Variants in PHIP observed in about 807,000 individuals in gnomAD.
PHIP encodes PH-interacting protein.
In PHIP, 54 loss-of-function variants were observed where a neutral mutation model predicts 236.8. That is an observed-to-expected ratio of 0.23 (90% CI 0.18 to 0.29). The LOEUF (loss-of-function observed/expected upper bound fraction) is 0.29. Ranked by LOEUF, PHIP falls within the 10% of genes least tolerant of loss-of-function variation. The probability of loss-of-function intolerance (pLI) is 1.00; values close to 1 mark genes in which losing one functional copy is unlikely to be tolerated. For synonymous variants in PHIP, 756 were observed against 718.9 expected, an observed-to-expected ratio of 1.05 and a Z score of -0.83; for missense variants, 1,370 against 2,190.8, an observed-to-expected ratio of 0.63 and a Z score of 7.48.
At chr6:79,070,496 C>CTAAA (rs1465239166) in intron 4 of PHIP, among the ~76,000 whole-genome samples, 1 of 152,218 alleles carries the variant, frequency 6.6e-6, no homozygotes, top group Non-Finnish European at 1.5e-5. Flanking sequence ...CACCCAAAAA[C>CTAAA]TAAACCAGAG....
intron 7 of PHIP, among the ~76,000 whole-genome samples, chr6:79,034,763 AT>A (rs1771846988): frequency 6.6e-6 from 1 of 152,224 alleles, no homozygotes; most frequent in South Asian, 2.1e-4. Flanking sequence ...AGAGAGGACA[AT>A]TCTGTTCAGT....
chr6:79,076,548 G>A (rs1270437424), intron 4 of PHIP, among the ~76,000 whole-genome samples: 1 of 152,040 alleles, frequency 6.6e-6, no homozygotes, highest in Admixed American at 6.5e-5. Flanking sequence ...CTTCTGAAAA[G>A]CAATTTTTAA....
rs1773439272 is a variant in PHIP, at chr6:78,940,548, G to GTTTGTTTTTTTTTT, written c.*144_*145insAAAAAAAAAACAAA. On this transcript the variant is annotated 3_prime_UTR_variant, in exon 40 of 40. Coordinates refer to ENST00000275034, the MANE Select transcript of PHIP (RefSeq NM_017934.7). ...AAGAAGTGAAGTGTCTCGTAAGTTT[G>GTTTGTTTTTTTTTT]TTTTTTTTTTTTTTTTTTTTTTTGC... 1 of 82,672 alleles carries GTTTGTTTTTTTTTT rather than the reference G, an allele frequency of 1.2e-5. No homozygotes were observed. The highest frequency in any genetic ancestry group is 5.7e-5 in the African/African-American group (1 of 17,662). The allele number at this position is 82,672 out of a possible 1,614,324, so 5.1% of individuals were successfully genotyped here.
At chr6:79,029,985 T>C (rs544740231) in intron 7 of PHIP, among the ~76,000 whole-genome samples, 4 of 152,280 alleles carry the variant, frequency 2.6e-5, no homozygotes, top group South Asian at 2.1e-4. Context: ...TAAGATATTA[T>C]AGTCTTTTGA....
chr6:78,967,927 G>A lies in PHIP; in HGVS notation c.3206-1871C>T, dbSNP rs185383339. ...AGGCGGGCGGATCACAAGGTCAGGA[G>A]ATCAAGACCATCCTGGCTAACGCGG... is the stretch of plus-strand genomic sequence containing the variant. On this transcript the variant is annotated intron_variant, in intron 27 of 39. Coordinates refer to ENST00000275034, the MANE Select transcript of PHIP (RefSeq NM_017934.7). 5.9e-3 allele frequency among the ~76,000 whole-genome samples: 890 copies of A among 152,118 alleles called. 4 individuals are homozygous for A. Among genetic ancestry groups the A allele is most frequent in the African/African-American group, 0.02 (822 of 41,482 alleles).
In PHIP at chr6:78,934,754, T is replaced by C. The variant is rs1354607805; in HGVS notation, c.*5939A>G. Among the ~76,000 whole-genome samples the C allele has an allele frequency of 6.6e-6, 1 of 152,152 alleles. No individual in the cohort carries two copies. Among genetic ancestry groups the C allele is most frequent in the African/African-American group, 2.4e-5 (1 of 41,442 alleles). On this transcript the variant is annotated 3_prime_UTR_variant, in exon 40 of 40. Coordinates refer to ENST00000275034, the MANE Select transcript of PHIP (RefSeq NM_017934.7). Reference sequence around the variant, plus strand: ...TAATCAACCTTTAAAACTTTACAGATGAGGAAAATGAAGCTCTGAGATACG... The same window carrying C: ...TAATCAACCTTTAAAACTTTACAGACGAGGAAAATGAAGCTCTGAGATACG...
At chr6:79,020,761 C>T (rs188489576) in intron 9 of PHIP, among the ~76,000 whole-genome samples, 78 of 152,298 alleles carry the variant, frequency 5.1e-4, no homozygotes, top group African/African-American at 1.6e-3. Flanking sequence ...GTTTTTGAGA[C>T]GGAGTCTCGT....
chr6:79,015,047 T>C (rs1276090859), intron 15 of PHIP, 35 bp downstream of exon 15: 3 of 1,576,580 alleles, frequency 1.9e-6, no homozygotes, highest in Middle Eastern at 1.7e-4. Flanking sequence ...CTCCCAAATC[T>C]TTAGTAGGTA....
Position 79,011,478 on chromosome 6 carries a change from G to C in PHIP, c.1524+3604C>G, listed in dbSNP as rs535348529. Among the ~76,000 whole-genome samples, 169 of 151,886 alleles carry C rather than the reference G, an allele frequency of 1.1e-3. 1 individual carries two copies. The highest frequency in any genetic ancestry group is 2.7e-3 in the South Asian group (13 of 4,824). On this transcript the variant is annotated intron_variant, in intron 15 of 39. Transcript: ENST00000275034. The stretch of plus-strand genomic sequence containing the variant: ...GTGCTTTTAAAAGTTTTTAGTTAAA[G>C]ATGAGACAACAGAAAGGGTAGGGGG...
At chr6:79,007,207 A>T (rs2127735374) in intron 15 of PHIP, among the ~76,000 whole-genome samples, 1 of 152,260 alleles carries the variant, frequency 6.6e-6, no homozygotes, top group Non-Finnish European at 1.5e-5. Context: ...AAGAATACTA[A>T]TACCTTTTTT....
chr6:79,014,347 G>T (rs1324897031), intron 15 of PHIP, among the ~76,000 whole-genome samples: 1 of 151,546 alleles, frequency 6.6e-6, no homozygotes, highest in African/African-American at 2.4e-5. Context: ...TCTATAATTG[G>T]TTTTTTAAAA....
chr6:78,946,257 A>G lies in PHIP; in HGVS notation c.4374T>C (p.Pro1458=), dbSNP rs1329814816. Residue 1458 remains proline (P), a synonymous_variant, in exon 38 of 40, where the codon CCT becomes CCC. Transcript: ENST00000275034. ...SSVSSSAASS[P]ERKKRILKPQ... ...GTTTTAAGATCCTTTTTTTCCTTTC[A>G]GGGCTGTAAATAAAATAGTATTGTC... 6 of 1,611,374 alleles carry G rather than the reference A, an allele frequency of 3.7e-6. No individual in the cohort carries two copies. The highest frequency in any genetic ancestry group is 1.7e-5 in the Admixed American group (1 of 59,672).
intron 7 of PHIP, among the ~76,000 whole-genome samples, chr6:79,036,367 C>A (rs1582262418): frequency 6.6e-6 from 1 of 152,122 alleles, no homozygotes; most frequent in South Asian, 2.1e-4. Flanking sequence ...TCCTCTCAAT[C>A]CAGTTTTCCT....
At chr6:78,942,722 T>C (rs1773569562) in intron 39 of PHIP, among the ~76,000 whole-genome samples, 1 of 152,198 alleles carries the variant, frequency 6.6e-6, no homozygotes, top group Admixed American at 6.5e-5. Flanking sequence ...TTTTACATTA[T>C]GACTACAAGG....
Position 78,940,673 on chromosome 6 carries a change from G to A in PHIP, c.*20C>T, listed in dbSNP as rs1773457247. On this transcript the variant is annotated 3_prime_UTR_variant, in exon 40 of 40. Coordinates refer to ENST00000275034, the MANE Select transcript of PHIP (RefSeq NM_017934.7). The stretch of plus-strand genomic sequence containing the variant: ...CTGTACCTGCTTTATAGATTTTGAA[G>A]TAAAATATTTTGGTACAAGTTACCA... The A allele has an allele frequency of 1.4e-6, 2 of 1,447,352 alleles. No homozygotes were observed. Among genetic ancestry groups the A allele is most frequent in the Non-Finnish European group, 1.9e-6 (2 of 1,072,380 alleles). 89.7% of individuals were successfully genotyped at this position (1,447,352 alleles called of 1,614,324 possible). A position where few individuals can be genotyped will look rare whatever the true frequency, so the allele number is the denominator to read the frequency against.
intron 35 of PHIP, among the ~76,000 whole-genome samples, chr6:78,950,011 T>C (rs1774056556): frequency 6.6e-6 from 1 of 152,010 alleles, no homozygotes; most frequent in African/African-American, 2.4e-5. Context: ...ATAATAAACT[T>C]TTTCCTTCCA....
intron 32 of PHIP, 175 bp from the exon 33 acceptor site, chr6:78,955,857 T>G: frequency 2.7e-6 from 1 of 375,846 alleles, no homozygotes; most frequent in East Asian, 4.1e-5. Context: ...ACCCCTCCAC[T>G]CTATGTAGAG....
rs1237637058 is a variant in PHIP, at chr6:79,078,210, G to A, written c.-142C>T. The A allele has an allele frequency of 1.3e-6, 1 of 750,612 alleles. No individual in the cohort carries two copies. The highest frequency in any genetic ancestry group is 2.2e-6 in the Non-Finnish European group (1 of 457,698). 46.5% of individuals were successfully genotyped at this position (750,612 alleles called of 1,614,324 possible). ...CCACCATTCAAGCAACGGCGGCGGA[G>A]GCGGAGGAGGAGGAGGAGGAAACAA... On this transcript the variant is annotated 5_prime_UTR_variant, in exon 1 of 40. Transcript: ENST00000275034.
At chr6:79,058,024 TA>T (rs1773160008) in intron 6 of PHIP, among the ~76,000 whole-genome samples, 1 of 152,226 alleles carries the variant, frequency 6.6e-6, no homozygotes, top group East Asian at 1.9e-4. Context: ...AAAATATATG[TA>T]AATACAATTT....
Sources: allele counts gnomAD v4.1 joint callset (sites outside exome capture counted in the v4.1 genomes callset), GRCh38; gene constraint gnomAD v4.1.1; transcripts MANE v1.5; gene names NCBI Gene and HGNC (gene_info 2026-07-23, HGNC 2026-07-21).